The following KIF13A variants were observed in gnomAD, a reference collection of about 807,000 sequenced individuals.
The protein encoded by KIF13A is kinesin family member 13A, also known as kinesin-like protein KIF13A.
A neutral mutation model predicts 212.2 loss-of-function variants in KIF13A; 79 were observed. The observed-to-expected ratio is 0.37, with a 90% CI of 0.31 to 0.45. The LOEUF is 0.45. Ranked by LOEUF, KIF13A falls within the 20% of genes least tolerant of loss-of-function variation. KIF13A has a pLI of 1.00. For synonymous variants in KIF13A, 789 were observed against 808.6 expected (o/e 0.98, Z 0.41); for missense variants, 1,901 against 2,209.0 (o/e 0.86, Z 2.79).
At chr6:17,813,734 TGA>T (rs886825001) in intron 17 of KIF13A, among the ~76,000 whole-genome samples, 5 of 152,014 alleles carry the variant, frequency 3.3e-5, no homozygotes, top group African/African-American at 1.2e-4. Context: ...AGTGTGTGTG[TGA>T]GTTACAGGAA....
intron 2 of KIF13A, among the ~76,000 whole-genome samples, chr6:17,944,624 G>A (rs1393573145): frequency 6.6e-6 from 1 of 152,124 alleles, no homozygotes; most frequent in Non-Finnish European, 1.5e-5. Flanking sequence ...AGAGGCAGCA[G>A]AAGCCCAGGG....
chr6:17,957,769 T>C (rs948504390), intron 2 of KIF13A, among the ~76,000 whole-genome samples: 1 of 152,184 alleles, frequency 6.6e-6, no homozygotes, highest in African/African-American at 2.4e-5. Flanking sequence ...CTGTGTTGCT[T>C]GTTGTGGTGT....
At chr6:17,923,108 C>CA (rs1344954906) in intron 2 of KIF13A, among the ~76,000 whole-genome samples, 1 of 151,292 alleles carries the variant, frequency 6.6e-6, no homozygotes, top group African/African-American at 2.4e-5. Flanking sequence ...CCTGTCTCTA[C>CA]AAAAAAATTA....
Position 17,763,815 on chromosome 6 carries a change from T to C in KIF13A, c.*295A>G. On this transcript the variant is annotated 3_prime_UTR_variant, in exon 39 of 39. Transcript: ENST00000259711. ...TATGGTAGATGCTACCAGAACACTT[T>C]GGGAAAACTGGTAACTAAACATCCC... 2 of 1,198,708 alleles carry C rather than the reference T, an allele frequency of 1.7e-6. No homozygotes were observed. Among genetic ancestry groups the C allele is most frequent in the Non-Finnish European group, 2.1e-6 (2 of 962,356 alleles). The allele number at this position is 1,198,708 out of a possible 1,614,324, so 74.3% of individuals were successfully genotyped here.
In KIF13A at chr6:17,794,120, G is replaced by T; in HGVS notation, c.3222+129C>A. The T allele has an allele frequency of 3.1e-6, 2 of 647,446 alleles. No homozygotes were observed. Among genetic ancestry groups the T allele is most frequent in the Non-Finnish European group, 5.2e-6 (2 of 384,232 alleles). The allele number at this position is 647,446 out of a possible 1,614,324, so 40.1% of individuals were successfully genotyped here. On this transcript the variant is annotated intron_variant, in intron 25 of 38. Transcript: ENST00000259711. This position sits in a 1 kb window ranked among gnomAD's most constrained non-coding sequence, Gnocchi z 4.1. ...TTTTAAAGCTAGAAAAAAGGCAATG[G>T]ATGGAAATGTGAACTGGGGGAAGAT...
At chr6:17,801,529 C>T (rs369726713) in intron 20 of KIF13A, among the ~76,000 whole-genome samples, 25 of 152,126 alleles carry the variant, frequency 1.6e-4, no homozygotes, top group African/African-American at 5.8e-4. Flanking sequence ...ACAACAACAA[C>T]AACAGCAACA....
rs542023223 is a variant in KIF13A at position 17,971,162 on chromosome 6, A to G, written c.146+15892T>C. On this transcript the variant is annotated intron_variant, in intron 2 of 38. Coordinates refer to ENST00000259711, the MANE Select transcript of KIF13A (RefSeq NM_022113.6). The surrounding 1 kb of genome is among the most constrained non-coding windows in gnomAD (Gnocchi z 4.2). ...TAGTATGATCTGGCCTGAAGGACCC[A>G]AGATCCTCAGAACTCCAATAGCTGA... is the stretch of plus-strand genomic sequence containing the variant. Among the ~76,000 whole-genome samples the G allele has an allele frequency of 6.6e-6, 1 of 152,298 alleles. No homozygotes were observed. The highest frequency in any genetic ancestry group is 1.5e-5 in the Non-Finnish European group (1 of 68,006).
In KIF13A at chr6:17,799,930, C is replaced by T; in HGVS notation, c.2616+22G>A. ...GCATGAAAAAGGTCATTTATATGAGCCTCCCATCACTGTCCTCTCACCCGA... is the reference window on the plus strand; with the variant it reads ...GCATGAAAAAGGTCATTTATATGAGTCTCCCATCACTGTCCTCTCACCCGA... On this transcript the variant is annotated intron_variant, in intron 21 of 38. Transcript: ENST00000259711. The surrounding 1 kb of genome is among the most constrained non-coding windows in gnomAD (Gnocchi z 4.4). 3 of 1,600,626 alleles carry T rather than the reference C, an allele frequency of 1.9e-6. 1 individual carries two copies. The South Asian group carries it at 3.4e-5, about 18-fold the overall frequency.
At chr6:17,880,629 A>C (rs969757496) in intron 3 of KIF13A, among the ~76,000 whole-genome samples, 4 of 48,568 alleles carry the variant, frequency 8.2e-5, no homozygotes, top group Non-Finnish European at 2.5e-4. Context: ...CTCTGTCTCA[A>C]AAAAAAAAAA....
chr6:17,944,675 G>A (rs971759341), intron 2 of KIF13A, among the ~76,000 whole-genome samples: 2 of 151,926 alleles, frequency 1.3e-5, no homozygotes, highest in African/African-American at 4.8e-5. Context: ...AGAAATTCCA[G>A]CTCAATTTCA....
At chr6:17,885,588 T>C (rs1424485498) in intron 3 of KIF13A, among the ~76,000 whole-genome samples, 3 of 152,170 alleles carry the variant, frequency 2.0e-5, no homozygotes, top group East Asian at 3.9e-4. Context: ...CCTTGGAAAA[T>C]ACTACTCTGC....
At position 17,975,555 on chromosome 6, in the gene KIF13A, A is replaced by G. The variant is rs564525261; in HGVS notation, c.146+11499T>C. On this transcript the variant is annotated intron_variant, in intron 2 of 38. Coordinates refer to ENST00000259711, the MANE Select transcript of KIF13A (RefSeq NM_022113.6). Reference sequence around the variant, plus strand: ...CATTGCAAAGACCAAAAGAAAAAAAAGCTTCCAGTACAGAACAAAACGCGA... The same window carrying G: ...CATTGCAAAGACCAAAAGAAAAAAAGGCTTCCAGTACAGAACAAAACGCGA... Among the ~76,000 whole-genome samples the G allele has an allele frequency of 3.3e-5, 5 of 152,310 alleles. No homozygotes were observed. The South Asian group carries it at 8.3e-4, about 25-fold the overall frequency.
At position 17,787,655 on chromosome 6, in the gene KIF13A, C is replaced by CAACGAA; in HGVS notation, c.3361+120_3361+121insTTCGTT. ...GACAGAGTGAGACCCTGTCTTAAAA[C>CAACGAA]AACAACAACAACAACAACAAAAATA... On this transcript the variant is annotated intron_variant, in intron 27 of 38. Coordinates refer to ENST00000259711, the MANE Select transcript of KIF13A (RefSeq NM_022113.6). The surrounding 1 kb of genome is among the most constrained non-coding windows in gnomAD (Gnocchi z 4.6). 1.7e-6 allele frequency: 1 copy of CAACGAA among 599,976 alleles called. No individual in the cohort carries two copies. Among genetic ancestry groups the CAACGAA allele is most frequent in the East Asian group, 2.8e-5 (1 of 35,618 alleles). 37.2% of individuals were successfully genotyped at this position (599,976 alleles called of 1,614,324 possible). A position where few individuals can be genotyped will look rare whatever the true frequency, so the allele number is the denominator to read the frequency against.
chr6:17,823,913 A>ATTT (rs1297321390), intron 16 of KIF13A, among the ~76,000 whole-genome samples: 5 of 109,954 alleles, frequency 4.5e-5, no homozygotes, highest in Non-Finnish European at 7.8e-5. Flanking sequence ...TTTAATTTAA[A>ATTT]TTTCTTTTTT....
In KIF13A at chr6:17,780,807, T is replaced by G; in HGVS notation, c.3769A>C (p.Thr1257Pro). ...GCAGCAGGGTGGCTGAGTTGAACTGTGGTTTTCACAATTAGGTAAATCCTT... is the reference window on the plus strand; with the variant it reads ...GCAGCAGGGTGGCTGAGTTGAACTGGGGTTTTCACAATTAGGTAAATCCTT... ...NERIYLIVKT[T>P]VQLSHPAAME... The change falls in exon 31 of 39, where the codon ACA becomes CCA. Residue 1257 changes from threonine to proline, a missense_variant. Transcript: ENST00000259711. 3.1e-6 allele frequency: 5 copies of G among 1,614,014 alleles called. No individual in the cohort carries two copies. The highest frequency in any genetic ancestry group is 4.2e-6 in the Non-Finnish European group (5 of 1,179,876).
intron 2 of KIF13A, among the ~76,000 whole-genome samples, chr6:17,929,143 C>T (rs1775768763): frequency 6.6e-6 from 1 of 150,390 alleles, no homozygotes; most frequent in African/African-American, 2.5e-5. Flanking sequence ...TCACTACCTG[C>T]TTTGTAAAGC....
intron 16 of KIF13A, among the ~76,000 whole-genome samples, chr6:17,824,772 AAAAAAAAAC>A (rs1250547652): frequency 6.8e-6 from 1 of 147,788 alleles, no homozygotes; most frequent in Non-Finnish European, 1.5e-5. Flanking sequence ...AAAAAAAAAA[AAAAAAAAAC>A]AAAACACCAA....
At chr6:17,936,207 G>T (rs1412571594) in intron 2 of KIF13A, among the ~76,000 whole-genome samples, 1 of 152,184 alleles carries the variant, frequency 6.6e-6, no homozygotes, top group Non-Finnish European at 1.5e-5. Context: ...GGAGTGCAAT[G>T]GTGGGATCTT....
rs975251384 is a variant in KIF13A, at chr6:17,785,749, C to T, written c.3362-108G>A. 4 of 1,125,492 alleles carry T rather than the reference C, an allele frequency of 3.6e-6. No individual in the cohort carries two copies. Among genetic ancestry groups the T allele is most frequent in the Non-Finnish European group, 4.9e-6 (4 of 808,594 alleles). 69.7% of individuals were successfully genotyped at this position (1,125,492 alleles called of 1,614,324 possible). A position where few individuals can be genotyped will look rare whatever the true frequency, so the allele number is the denominator to read the frequency against. ...GCAACATAGTGAGACCCCATCTCTA[C>T]CAAAAAAAAAAAAATAGTTGGGCAG... is the stretch of plus-strand genomic sequence containing the variant. On this transcript the variant is annotated intron_variant, in intron 27 of 38. Coordinates refer to ENST00000259711, the MANE Select transcript of KIF13A (RefSeq NM_022113.6). The surrounding 1 kb of genome is among the most constrained non-coding windows in gnomAD (Gnocchi z 5.8).
Sources: allele counts gnomAD v4.1 joint callset (sites outside exome capture counted in the v4.1 genomes callset), GRCh38; gene constraint gnomAD v4.1.1; non-coding constraint Gnocchi (gnomAD v3.1); transcripts MANE v1.5; gene names NCBI Gene and HGNC (gene_info 2026-07-23, HGNC 2026-07-21).